Variants in NBAS observed in about 807,000 individuals in gnomAD.
NBAS encodes NAG/BC035112 fusion.
In NBAS, 219 loss-of-function variants were observed where a neutral mutation model predicts 302.5. The observed-to-expected ratio is 0.72, with a 90% CI of 0.65 to 0.81. The LOEUF is 0.81. Among genes scored for constraint, NBAS ranks in the 30% least tolerant of loss-of-function variants. The probability of loss-of-function intolerance (pLI) is 0.00; values close to 1 mark genes in which losing one functional copy is unlikely to be tolerated. For missense variants in NBAS, 2,932 were observed against 2,841.6 expected, an observed-to-expected ratio of 1.03 and a Z score of -0.72; for synonymous variants, 1,118 against 1,021.6, an observed-to-expected ratio of 1.09 and a Z score of -1.80.
chr2:14,919,280 T>C, the NBAS span, among the ~76,000 whole-genome samples: 1 of 152,190 alleles, frequency 6.6e-6, no homozygotes, highest in South Asian at 2.1e-4. Flanking sequence ...GTCTTTCAAG[T>C]GTGCGATAAC....
intron 46 of NBAS, 67 bp downstream of exon 46, chr2:15,234,478 A>T: frequency 6.7e-7 from 1 of 1,495,966 alleles, no homozygotes; most frequent in Non-Finnish European, 9.3e-7. Context: ...ATACAGGATG[A>T]CAGTTTAGCA....
the NBAS span, among the ~76,000 whole-genome samples, chr2:14,784,165 G>T: frequency 1.3e-5 from 2 of 151,774 alleles, no homozygotes; most frequent in African/African-American, 4.8e-5. Context: ...TTTTGATGGG[G>T]TTGTTTTTTT....
intron 9 of NBAS, among the ~76,000 whole-genome samples, chr2:15,532,407 T>A (rs1158258511): frequency 7.0e-6 from 1 of 143,566 alleles, no homozygotes; most frequent in East Asian, 2.0e-4. Context: ...GACAATGGCA[T>A]GAACCCAAGA....
At chr2:15,476,605 C>A (rs1680203223) in intron 13 of NBAS, among the ~76,000 whole-genome samples, 1 of 151,938 alleles carries the variant, frequency 6.6e-6, no homozygotes, top group Admixed American at 6.6e-5. Flanking sequence ...CCTGTAGTTC[C>A]AACTACTGGG....
At chr2:15,310,968 G>A (rs1366788061) in intron 38 of NBAS, among the ~76,000 whole-genome samples, 1 of 152,158 alleles carries the variant, frequency 6.6e-6, no homozygotes, top group Non-Finnish European at 1.5e-5. Flanking sequence ...AAATCCAACA[G>A]AATGATACAG....
the NBAS span, among the ~76,000 whole-genome samples, chr2:15,119,365 G>C: frequency 7.1e-6 from 1 of 140,168 alleles, no homozygotes; most frequent in African/African-American, 2.7e-5. Flanking sequence ...CCAGAGTGCA[G>C]TGGCACGATC....
chr2:15,492,504 T>C (rs1680901729), intron 11 of NBAS, among the ~76,000 whole-genome samples: 1 of 152,230 alleles, frequency 6.6e-6, no homozygotes, highest in Admixed American at 6.5e-5. Context: ...TCACCCAGGC[T>C]GGAGTGCACT....
intron 21 of NBAS, among the ~76,000 whole-genome samples, chr2:15,451,339 C>G (rs1030430737): frequency 9.9e-5 from 15 of 152,174 alleles, no homozygotes; most frequent in Non-Finnish European, 1.9e-4. Flanking sequence ...GCATGAGCCA[C>G]CGCATCCAGC....
intron 42 of NBAS, among the ~76,000 whole-genome samples, chr2:15,284,384 C>T (rs1238762565): frequency 6.6e-6 from 1 of 152,128 alleles, no homozygotes; most frequent in Admixed American, 6.5e-5. Context: ...TGCCCATGGA[C>T]ACACACCTAG....
chr2:14,828,211 A>G, the NBAS span, among the ~76,000 whole-genome samples: 2 of 152,196 alleles, frequency 1.3e-5, no homozygotes, highest in Non-Finnish European at 2.9e-5. Context: ...AACGTTTTTA[A>G]AAGACAATTT....
intron 51 of NBAS, among the ~76,000 whole-genome samples, chr2:15,177,713 GA>G (rs1008197435): frequency 2.0e-5 from 3 of 152,162 alleles, no homozygotes; most frequent in Middle Eastern, 3.4e-3. Flanking sequence ...AACTGGCTAA[GA>G]AAAAAACTCA....
intron 30 of NBAS, among the ~76,000 whole-genome samples, chr2:15,375,240 G>A (rs1674679746): frequency 6.6e-6 from 1 of 152,196 alleles, no homozygotes; most frequent in African/African-American, 2.4e-5. Flanking sequence ...ACACAGTTCT[G>A]AGATGAACCA....
At chr2:14,901,441 A>T in the NBAS span, among the ~76,000 whole-genome samples, 8 of 27,064 alleles carry the variant, frequency 3.0e-4, no homozygotes, top group African/African-American at 8.8e-4. Flanking sequence ...AGGTAATTTT[A>T]AAAAAAAAAA....
chr2:14,825,664 G>T, the NBAS span, among the ~76,000 whole-genome samples: 5 of 152,126 alleles, frequency 3.3e-5, no homozygotes, highest in Admixed American at 3.3e-4. Flanking sequence ...AATGGTCCCT[G>T]TATTCCAGCA....
chr2:15,486,047 G>A (rs1351247833), intron 12 of NBAS, among the ~76,000 whole-genome samples: 1 of 152,192 alleles, frequency 6.6e-6, no homozygotes, highest in African/African-American at 2.4e-5. Context: ...ACAGCAGCAG[G>A]AAAGGGAGGG....
chr2:14,786,476 G>T, the NBAS span, among the ~76,000 whole-genome samples: 12 of 151,978 alleles, frequency 7.9e-5, no homozygotes, highest in East Asian at 3.9e-4. Context: ...TAAATTTCCC[G>T]CTACACACTG....
the NBAS span, among the ~76,000 whole-genome samples, chr2:14,801,348 C>G: frequency 6.6e-6 from 1 of 151,976 alleles, no homozygotes; most frequent in Non-Finnish European, 1.5e-5. Flanking sequence ...TAGCTCTGTT[C>G]ATTTTAAAAA....
At chr2:15,418,795 G>A (rs1288012224) in intron 23 of NBAS, among the ~76,000 whole-genome samples, 3 of 152,166 alleles carry the variant, frequency 2.0e-5, no homozygotes, top group Non-Finnish European at 4.4e-5. Context: ...GGTGTGAGGG[G>A]CAGCAATGAG....
intron 51 of NBAS, among the ~76,000 whole-genome samples, chr2:15,174,632 T>C (rs117415191): frequency 6.6e-6 from 1 of 152,186 alleles, no homozygotes; most frequent in Admixed American, 6.5e-5. Context: ...TGCCTCAAGG[T>C]GCTTTCAACA....
Sources: allele counts gnomAD v4.1 joint callset (sites outside exome capture counted in the v4.1 genomes callset), GRCh38; gene constraint gnomAD v4.1.1; transcripts MANE v1.5; gene names NCBI Gene and HGNC (gene_info 2026-07-23, HGNC 2026-07-21).